The following DPY19L1 variants were observed in gnomAD, a reference collection of about 807,000 sequenced individuals.
DPY19L1 encodes dpy-19 like C-mannosyltransferase 1, also known as protein C-mannosyl-transferase DPY19L1.
Under a neutral mutation model 96.9 loss-of-function variants are expected in DPY19L1, and 35 were observed. That is an observed-to-expected ratio of 0.36 (90% CI 0.28 to 0.48). DPY19L1 has a LOEUF of 0.48. DPY19L1 is among the 20% of genes least tolerant of loss of function. The pLI, the probability that DPY19L1 is intolerant of heterozygous loss-of-function variation, is 0.99. For synonymous variants in DPY19L1, 205 were observed against 252.6 expected (o/e 0.81, Z 1.79); for missense variants, 521 against 777.9 (o/e 0.67, Z 3.93).
rs1783750657 is a variant in DPY19L1, at chr7:34,931,468, AAC to A, written c.*103_*104del. ...CCAAATAAAACGTTTTCTATTTGAAAACAGTTACCTATAAAAGTTTTTGGGAT... is the reference window on the plus strand; with the variant it reads ...CCAAATAAAACGTTTTCTATTTGAAAAGTTACCTATAAAAGTTTTTGGGAT... On this transcript the variant is annotated 3_prime_UTR_variant, in exon 22 of 22. Coordinates refer to ENST00000638088, the MANE Select transcript of DPY19L1 (RefSeq NM_001366673.1). 1 of 1,319,326 alleles carries A rather than the reference AAC, an allele frequency of 7.6e-7. No individual in the cohort carries two copies. Among genetic ancestry groups the A allele is most frequent in the African/African-American group, 1.5e-5 (1 of 66,564 alleles). The allele number at this position is 1,319,326 out of a possible 1,614,324, so 81.7% of individuals were successfully genotyped here. A position where few individuals can be genotyped will look rare whatever the true frequency, so the allele number is the denominator to read the frequency against.
At chr7:34,945,594 C>A in intron 16 of DPY19L1, 73 bp downstream of exon 16, 2 of 1,065,450 alleles carry the variant, frequency 1.9e-6, no homozygotes, top group Non-Finnish European at 2.8e-6. Flanking sequence ...TGTAAGTATA[C>A]AATTAATACA....
chr7:34,956,551 T>C (rs1022252262), intron 11 of DPY19L1, among the ~76,000 whole-genome samples: 5 of 151,162 alleles, frequency 3.3e-5, no homozygotes, highest in Admixed American at 1.3e-4. Context: ...CTGTTGCCCA[T>C]GCTGGAGTGT....
chr7:35,031,171 G>C (rs1466794159), intron 1 of DPY19L1, among the ~76,000 whole-genome samples: 4 of 152,158 alleles, frequency 2.6e-5, no homozygotes, highest in African/African-American at 4.8e-5. Flanking sequence ...CTCCATATCT[G>C]TCAGTTCCAC....
intron 7 of DPY19L1, among the ~76,000 whole-genome samples, chr7:34,980,576 T>C (rs2021177): frequency 0.25 from 38,588 of 151,830 alleles, 5,153 homozygotes; most frequent in Non-Finnish European, 0.31. Context: ...CTCCACAGAA[T>C]TGACAAAGAG....
intron 1 of DPY19L1, among the ~76,000 whole-genome samples, chr7:35,022,947 C>G (rs1423303949): frequency 6.6e-6 from 1 of 152,148 alleles, no homozygotes; most frequent in African/African-American, 2.4e-5. Context: ...ACACTCCCCT[C>G]GGAGAGATTT....
intron 10 of DPY19L1, among the ~76,000 whole-genome samples, chr7:34,959,918 TATATATTTA>T (rs1562806931): frequency 1.7e-3 from 28 of 16,506 alleles, no homozygotes; most frequent in Middle Eastern, 0.025. Context: ...TATATATATA[TATATATTTA>T]TATATATATA....
chr7:34,980,527 G>A (rs1445728138), intron 7 of DPY19L1, among the ~76,000 whole-genome samples: 1 of 151,992 alleles, frequency 6.6e-6, no homozygotes, highest in Non-Finnish European at 1.5e-5. Flanking sequence ...GTCGTTAAGT[G>A]GTGAGAAGGT....
chr7:35,037,740 C>T, upstream of DPY19L1: 1 of 971,330 alleles, frequency 1.0e-6, no homozygotes, highest in East Asian at 6.8e-5. Flanking sequence ...CGGACGCGCG[C>T]TCCAGGCCGG....
chr7:35,027,600 C>A (rs1337628556), intron 1 of DPY19L1, among the ~76,000 whole-genome samples: 1 of 147,784 alleles, frequency 6.8e-6, no homozygotes, highest in Non-Finnish European at 1.5e-5. Flanking sequence ...GAGGCCGAGG[C>A]GGGTGGATCA....
rs1783716224 is a variant in DPY19L1 at position 34,929,892 on chromosome 7, G to C, written c.*1681C>G. ...AGAACGCTGCCAGAGTCCCTCTCCT[G>C]GGCTGCCTCCAGGGAAGGAGCATCC... On this transcript the variant is annotated 3_prime_UTR_variant, in exon 22 of 22. Transcript: ENST00000638088. 1.3e-5 allele frequency: 2 copies of C among 152,240 alleles called. No homozygotes were observed. The highest frequency in any genetic ancestry group is 4.8e-5 in the African/African-American group (2 of 41,442). The allele number at this position is 152,240 out of a possible 1,614,324, so 9.4% of individuals were successfully genotyped here.
chr7:34,970,004 T>TA lies in DPY19L1; in HGVS notation c.915-473dup, dbSNP rs1784691327. On this transcript the variant is annotated intron_variant, in intron 8 of 21. Coordinates refer to ENST00000638088, the MANE Select transcript of DPY19L1 (RefSeq NM_001366673.1). ...GATAAAAAGTTGGGTCTGGCACAGG[T>TA]AGGAGAACACAGAAAAGTTAAGTGG... is the stretch of plus-strand genomic sequence containing the variant. Among the ~76,000 whole-genome samples, 3 of 152,082 alleles carry TA rather than the reference T, an allele frequency of 2.0e-5. No individual in the cohort carries two copies. The South Asian group carries it at 6.2e-4, about 32-fold the overall frequency.
At chr7:34,994,336 TCTAAAACAAC>T (rs1302048099) in intron 6 of DPY19L1, among the ~76,000 whole-genome samples, 1 of 152,040 alleles carries the variant, frequency 6.6e-6, no homozygotes, top group Non-Finnish European at 1.5e-5. Flanking sequence ...CTGATTAGAA[TCTAAAACAAC>T]CTAAAACACG....
chr7:34,981,531 C>T (rs1784939447), intron 7 of DPY19L1, among the ~76,000 whole-genome samples: 2 of 152,212 alleles, frequency 1.3e-5, no homozygotes, highest in Admixed American at 6.5e-5. Flanking sequence ...AGAGACATGA[C>T]AGACACCACC....
In DPY19L1 at chr7:35,010,537, T is replaced by G; in HGVS notation, c.695A>C (p.Tyr232Ser). The change falls in exon 6 of 22, where the codon TAT becomes TCT. Residue 232 changes from tyrosine (Y) to serine (S), a missense_variant. Coordinates refer to ENST00000638088, the MANE Select transcript of DPY19L1 (RefSeq NM_001366673.1). Reference protein sequence around the residue: ...CEGLGDPACFYVAVIFILNGL... With the variant: ...CEGLGDPACFSVAVIFILNGL... ...ATTTAAAATAAAAATTACAGCAACATAAAAGCAAGCAGGATCTCCCAATCC... is the reference window on the plus strand; with the variant it reads ...ATTTAAAATAAAAATTACAGCAACAGAAAAGCAAGCAGGATCTCCCAATCC... The G allele has an allele frequency of 6.2e-7, 1 of 1,609,886 alleles. No homozygotes were observed. Among genetic ancestry groups the G allele is most frequent in the Non-Finnish European group, 8.5e-7 (1 of 1,177,456 alleles).
intron 6 of DPY19L1, among the ~76,000 whole-genome samples, chr7:35,001,203 A>G (rs915951393): frequency 6.6e-6 from 1 of 152,252 alleles, no homozygotes; most frequent in Admixed American, 6.5e-5. Flanking sequence ...AACAGTCTTC[A>G]GTGAAGATTG....
intron 1 of DPY19L1, among the ~76,000 whole-genome samples, chr7:35,026,187 T>C (rs573676358): frequency 5.3e-5 from 8 of 152,142 alleles, no homozygotes; most frequent in South Asian, 2.1e-4. Flanking sequence ...CAAAATGTAA[T>C]GTGAGAATCA....
In DPY19L1 at chr7:35,021,830, A is replaced by T. The variant is rs58212933; in HGVS notation, c.299-3234T>A. Among the ~76,000 whole-genome samples the T allele has an allele frequency of 7.1e-3, 1,083 of 152,318 alleles. 17 individuals are homozygous for T. The highest frequency in any genetic ancestry group is 0.025 in the African/African-American group (1,040 of 41,568). On this transcript the variant is annotated intron_variant, in intron 1 of 21. Coordinates refer to ENST00000638088, the MANE Select transcript of DPY19L1 (RefSeq NM_001366673.1). ...CTCTCCCCTCCTTCTTACTTTTTTAATCTTAAATATGAAAGAAAAAAATGC... is the reference window on the plus strand; with the variant it reads ...CTCTCCCCTCCTTCTTACTTTTTTATTCTTAAATATGAAAGAAAAAAATGC...
intron 2 of DPY19L1, 152 bp from the exon 3 acceptor site, chr7:35,018,121 C>G (rs1785905134): frequency 3.9e-6 from 2 of 513,436 alleles, no homozygotes; most frequent in Non-Finnish European, 6.6e-6. Context: ...TTTTTTCACT[C>G]AGTATGTATT....
At chr7:35,033,804 GAAT>G (rs1786321506) in intron 1 of DPY19L1, among the ~76,000 whole-genome samples, 1 of 152,064 alleles carries the variant, frequency 6.6e-6, no homozygotes. Context: ...AAGCTGTAGA[GAAT>G]AAAAGCTGTG....
Sources: allele counts gnomAD v4.1 joint callset (sites outside exome capture counted in the v4.1 genomes callset), GRCh38; gene constraint gnomAD v4.1.1; transcripts MANE v1.5; gene names NCBI Gene and HGNC (gene_info 2026-07-23, HGNC 2026-07-21).